The following TMEM232 variants were observed in gnomAD, a reference collection of about 807,000 sequenced individuals.
The protein encoded by TMEM232 is transmembrane protein 232.
A neutral mutation model predicts 78.8 loss-of-function variants in TMEM232; 80 were observed. The ratio of observed to expected loss-of-function variants is 1.01; its 90% CI spans 0.85 to 1.22. The LOEUF (loss-of-function observed/expected upper bound fraction) is 1.22, where lower values mean the gene tolerates loss of function less well. TMEM232 is among the 50% of genes most tolerant of loss of function. The probability of loss-of-function intolerance (pLI) is 0.00; values close to 1 mark genes in which losing one functional copy is unlikely to be tolerated. For missense variants in TMEM232, 881 were observed against 742.2 expected, an observed-to-expected ratio of 1.19 and a Z score of -2.17; for synonymous variants, 297 against 254.3, an observed-to-expected ratio of 1.17 and a Z score of -1.60.
chr5:110,557,350 C>T (rs997111952), intron 11 of TMEM232, among the ~76,000 whole-genome samples: 1 of 152,252 alleles, frequency 6.6e-6, no homozygotes, highest in South Asian at 2.1e-4. Context: ...CTTGGCCATT[C>T]AGATTCTGAA....
At chr5:110,648,285 C>G (rs965733080) in intron 2 of TMEM232, among the ~76,000 whole-genome samples, 1 of 152,070 alleles carries the variant, frequency 6.6e-6, no homozygotes, top group Non-Finnish European at 1.5e-5. Context: ...AATAGAAATT[C>G]TCACAAACTG....
chr5:110,413,332 TCTCAGGCCTTCAGCCA>T (rs1240002858), intron 2 of TMEM232, among the ~76,000 whole-genome samples: 1 of 152,138 alleles, frequency 6.6e-6, no homozygotes, highest in Non-Finnish European at 1.5e-5. Flanking sequence ...TTCCAGGGGC[TCTCAGGCCTTCAGCCA>T]CAGACTGAAG....
chr5:110,663,562 A>T (rs1790097564), intron 2 of TMEM232, among the ~76,000 whole-genome samples: 1 of 152,030 alleles, frequency 6.6e-6, no homozygotes, highest in Non-Finnish European at 1.5e-5. Flanking sequence ...GTATTAAGAA[A>T]ATTTTATAAA....
intron 2 of TMEM232, among the ~76,000 whole-genome samples, chr5:110,658,346 C>T (rs893617519): frequency 6.6e-6 from 1 of 151,954 alleles, no homozygotes; most frequent in African/African-American, 2.4e-5. Context: ...TCTTTTATTG[C>T]CTTTGTGTTT....
chr5:110,565,088 C>A (rs1001094446), intron 11 of TMEM232, among the ~76,000 whole-genome samples: 2 of 151,918 alleles, frequency 1.3e-5, no homozygotes, highest in Non-Finnish European at 2.9e-5. Context: ...TTTTCACTTT[C>A]TTCATCTGAA....
At chr5:110,506,735 A>T (rs1302929422) in intron 12 of TMEM232, among the ~76,000 whole-genome samples, 1 of 152,194 alleles carries the variant, frequency 6.6e-6, no homozygotes, top group Non-Finnish European at 1.5e-5. Context: ...ATTTCTGATA[A>T]TTGGAAACCC....
rs1443854915 is a variant in TMEM232 at position 110,627,789 on chromosome 5, T to C, written c.593A>G (p.Tyr198Cys). Residue 198 changes from tyrosine (Y) to cysteine (C), a missense_variant, in exon 6 of 14, where the codon TAT becomes TGT. Coordinates refer to ENST00000455884, the MANE Select transcript of TMEM232 (RefSeq NM_001039763.4). The part of the protein sequence containing the change: ...FKQHLLRLQP[Y>C]LYALSFSGAS... ...AATAAAAGATATTCTACCGTATAAA[T>C]ATGGTTGAAGCCTAAGTAAATGTTG... 2 of 1,503,934 alleles carry C rather than the reference T, an allele frequency of 1.3e-6. No homozygotes were observed. The highest frequency in any genetic ancestry group is 4.8e-5 in the Admixed American group (2 of 41,506). 93.2% of individuals were successfully genotyped at this position (1,503,934 alleles called of 1,614,324 possible). A position where few individuals can be genotyped will look rare whatever the true frequency, so the allele number is the denominator to read the frequency against.
At chr5:110,502,449 T>C (rs1166251298) in intron 12 of TMEM232, among the ~76,000 whole-genome samples, 4 of 152,202 alleles carry the variant, frequency 2.6e-5, no homozygotes, top group Non-Finnish European at 4.4e-5. Flanking sequence ...AAGACCAGTT[T>C]TAAATCTTGA....
At chr5:110,574,420 T>C (rs4582332) in intron 10 of TMEM232, among the ~76,000 whole-genome samples, 6,869 of 152,160 alleles carry the variant, frequency 0.045, 560 homozygotes, top group African/African-American at 0.16. Flanking sequence ...CCTTTGTCCT[T>C]GGCTCTGGGC....
intron 11 of TMEM232, among the ~76,000 whole-genome samples, chr5:110,555,763 C>G (rs1561681599): frequency 6.6e-6 from 1 of 152,026 alleles, no homozygotes; most frequent in African/African-American, 2.4e-5. Flanking sequence ...CCCTTCTTTT[C>G]CTTTTTATCA....
At chr5:110,636,102 T>C (rs1292960250) in intron 5 of TMEM232, among the ~76,000 whole-genome samples, 1 of 151,986 alleles carries the variant, frequency 6.6e-6, no homozygotes, top group African/African-American at 2.4e-5. Context: ...TGAAATGTCA[T>C]TTGCAGTAAT....
At chr5:110,650,577 C>T (rs116371338) in intron 2 of TMEM232, among the ~76,000 whole-genome samples, 1,780 of 152,138 alleles carry the variant, frequency 0.012, 44 homozygotes, top group African/African-American at 0.04. Flanking sequence ...AACTGGTAAA[C>T]CCAGTATAAT....
intron 5 of TMEM232, among the ~76,000 whole-genome samples, chr5:110,629,168 T>C (rs1561416574): frequency 6.6e-6 from 1 of 152,040 alleles, no homozygotes; most frequent in Admixed American, 6.6e-5. Context: ...CTCATAGATA[T>C]AGACAATGAG....
intron 12 of TMEM232, among the ~76,000 whole-genome samples, chr5:110,495,819 T>G (rs182743963): frequency 6.0e-4 from 90 of 149,702 alleles, no homozygotes; most frequent in Non-Finnish European, 9.0e-4. Flanking sequence ...GATCTTCTGG[T>G]TTTTTTTTAA....
chr5:110,420,642 C>G lies in TMEM232; in HGVS notation c.1912G>C (p.Glu638Gln), dbSNP rs941328772. 6.6e-7 allele frequency: 1 copy of G among 1,524,864 alleles called. No individual in the cohort carries two copies. Among genetic ancestry groups the G allele is most frequent in the African/African-American group, 1.4e-5 (1 of 71,894 alleles). 94.5% of individuals were successfully genotyped at this position (1,524,864 alleles called of 1,614,324 possible). A position where few individuals can be genotyped will look rare whatever the true frequency, so the allele number is the denominator to read the frequency against. The change falls in exon 14 of 14, where the codon GAA becomes CAA. Residue 638 changes from glutamate (E) to glutamine (Q), a missense_variant. By Grantham distance (29) the Glu-to-Gln change is conservative. Coordinates refer to ENST00000455884, the MANE Select transcript of TMEM232 (RefSeq NM_001039763.4). ...NHFQEVMKKREEKLHKQTKPY... is the reference protein window; with the variant it reads ...NHFQEVMKKRQEKLHKQTKPY... ...TTGGTTTGCTTATGTAGTTTCTCTT[C>G]TCTTTTCTTCATAACTTCTTGAAAG...
At chr5:110,451,248 A>G (rs952279429) in intron 12 of TMEM232, among the ~76,000 whole-genome samples, 3 of 152,174 alleles carry the variant, frequency 2.0e-5, no homozygotes, top group Non-Finnish European at 2.9e-5. Context: ...TTGTGCATCT[A>G]TCTCTTTCTT....
chr5:110,610,566 T>C (rs973563345), intron 8 of TMEM232: 19 of 456,136 alleles, frequency 4.2e-5, no homozygotes, highest in Admixed American at 7.1e-5. Context: ...GAAGTTTCTC[T>C]CTAGGTAAAG....
chr5:110,411,974 T>C (rs768502187), intron 2 of TMEM232, among the ~76,000 whole-genome samples: 10 of 152,158 alleles, frequency 6.6e-5, no homozygotes, highest in Non-Finnish European at 1.2e-4. Flanking sequence ...AAGAATAAAA[T>C]GCACAATATA....
chr5:110,565,969 A>G (rs1170702981), intron 11 of TMEM232, among the ~76,000 whole-genome samples: 1 of 151,934 alleles, frequency 6.6e-6, no homozygotes, highest in Non-Finnish European at 1.5e-5. Flanking sequence ...ATATATTAGC[A>G]TACAGTTGTA....
Sources: gnomAD v4.1 joint callset for allele counts (sites outside exome capture counted in the v4.1 genomes callset) on GRCh38, gnomAD v4.1.1 for gene constraint, MANE v1.5 for transcripts, NCBI Gene and HGNC (gene_info 2026-07-23, HGNC 2026-07-21) for gene names.